Variants in ZNF99 observed in about 807,000 individuals in gnomAD.
The protein encoded by ZNF99 is zinc finger protein ENSP00000375192.
ZNF99 carries 8 observed loss-of-function variants against 12.8 expected under a neutral mutation model. The observed-to-expected ratio is 0.62, with a 90% confidence interval of 0.37 to 1.13. ZNF99 has a LOEUF of 1.13. Ranked by LOEUF, ZNF99 falls within the 50% of genes most tolerant of loss-of-function variation. The probability of loss-of-function intolerance (pLI) is 0.02; values close to 1 mark genes in which losing one functional copy is unlikely to be tolerated. For missense variants in ZNF99, 1,007 were observed against 1,006.2 expected (o/e 1.00, Z -0.01); for synonymous variants, 318 against 319.0 (o/e 1.00, Z 0.03).
intron 3 of ZNF99, among the ~76,000 whole-genome samples, chr19:22,761,060 T>A (rs1171771222): frequency 2.0e-5 from 3 of 151,912 alleles, no homozygotes; most frequent in Non-Finnish European, 4.4e-5. Context: ...TATTATAATG[T>A]ATATGGAATA....
In ZNF99 at chr19:22,759,644, G is replaced by A. The variant is rs770931208; in HGVS notation, c.265C>T (p.Gln89Ter). ...SHFTQDFWPDQSIKDSFQEII... is the reference protein window; with the variant it reads ...SHFTQDFWPD ...TCTTGGAAAGAATCTTTTATGCTCTGATCTGGCCAAAAGTCTTGTGTAAAA... is the reference window on the plus strand; with the variant it reads ...TCTTGGAAAGAATCTTTTATGCTCTAATCTGGCCAAAAGTCTTGTGTAAAA... Residue 89 changes from glutamine to a stop codon, truncating the protein, a stop_gained, in exon 4 of 4, where the codon CAG (glutamine) becomes TAG (stop). Coordinates refer to ENST00000596209, the MANE Select transcript of ZNF99 (RefSeq NM_001080409.3). LOFTEE classifies it low-confidence loss of function (END_TRUNC). 1.3e-6 allele frequency: 2 copies of A among 1,571,636 alleles called. No homozygotes were observed. The highest frequency in any genetic ancestry group is 1.7e-6 in the Non-Finnish European group (2 of 1,165,786).
chr19:22,763,807 G>A (rs545212112), intron 3 of ZNF99, among the ~76,000 whole-genome samples: 54 of 148,446 alleles, frequency 3.6e-4, no homozygotes, highest in African/African-American at 1.3e-3. Flanking sequence ...ACAGAATAGA[G>A]AACCCAGAAA....
chr19:22,770,956 T>G (rs1568386507), intron 1 of ZNF99: 1 of 149,776 alleles, frequency 6.7e-6, no homozygotes. Context: ...TTTTTTTTTT[T>G]GAGATGGAGT....
intron 1 of ZNF99, among the ~76,000 whole-genome samples, chr19:22,780,490 C>T (rs1459709824): frequency 3.3e-5 from 5 of 151,794 alleles, no homozygotes; most frequent in Admixed American, 2.0e-4. Context: ...GTTGGGAGTT[C>T]GAGACCAGCA....
At chr19:22,769,448 G>C in intron 1 of ZNF99, 124 bp from the exon 2 acceptor site, 1 of 1,026,522 alleles carries the variant, frequency 9.7e-7, no homozygotes. Context: ...ATGACTGAAC[G>C]TATTCAGTAA....
At chr19:22,766,688 G>C (rs1973207893) in intron 3 of ZNF99, among the ~76,000 whole-genome samples, 1 of 143,184 alleles carries the variant, frequency 7.0e-6, no homozygotes, top group Middle Eastern at 4.1e-3. Flanking sequence ...TTTCACTGTT[G>C]TTGTCCAGGC....
In ZNF99 at chr19:22,759,269, A is replaced by G; in HGVS notation, c.640T>C (p.Ser214Pro). 6.4e-7 allele frequency: 1 copy of G among 1,551,662 alleles called. No individual in the cohort carries two copies. The highest frequency in any genetic ancestry group is 1.2e-5 in the South Asian group (1 of 84,600). The part of the protein sequence containing the change: ...EERGKAFKWF[S>P]TLIKHKIIHT... Reference sequence around the variant, plus strand: ...ATTATCTTATGTTTAATAAGGGTTGAGAACCATTTAAAGGCTTTGCCACGT... The same window carrying G: ...ATTATCTTATGTTTAATAAGGGTTGGGAACCATTTAAAGGCTTTGCCACGT... The change falls in exon 4 of 4, where the codon TCA becomes CCA. Residue 214 changes from serine to proline, a missense_variant. Coordinates refer to ENST00000596209, the MANE Select transcript of ZNF99 (RefSeq NM_001080409.3).
intron 3 of ZNF99, among the ~76,000 whole-genome samples, chr19:22,760,906 A>T (rs7248065): frequency 3.4e-5 from 5 of 148,968 alleles, no homozygotes; most frequent in East Asian, 3.9e-4. Context: ...AAAAAAAAAA[A>T]TTTCAAACAA....
chr19:22,782,154 T>C (rs1294357092), intron 1 of ZNF99, among the ~76,000 whole-genome samples: 1 of 152,118 alleles, frequency 6.6e-6, no homozygotes, highest in Non-Finnish European at 1.5e-5. Context: ...AAAATTGACA[T>C]TATGAACTGG....
At chr19:22,771,617 C>T (rs1267911920) in intron 1 of ZNF99, among the ~76,000 whole-genome samples, 1 of 150,640 alleles carries the variant, frequency 6.6e-6, no homozygotes, top group African/African-American at 2.4e-5. Flanking sequence ...GGAGCCTCAA[C>T]ATTACATGTT....
At chr19:22,771,508 G>A (rs1357935179) in intron 1 of ZNF99, among the ~76,000 whole-genome samples, 1 of 151,586 alleles carries the variant, frequency 6.6e-6, no homozygotes. Flanking sequence ...GCCTGCCTTG[G>A]CCTCCCAAAG....
intron 3 of ZNF99, among the ~76,000 whole-genome samples, chr19:22,762,472 G>C (rs1395564689): frequency 6.6e-6 from 1 of 151,748 alleles, no homozygotes; most frequent in Non-Finnish European, 1.5e-5. Context: ...CCAATAATGA[G>C]CAGCGAGATT....
rs1361117036 is a variant in ZNF99, at chr19:22,757,676, A to C, written c.2233T>G (p.Ser745Ala). The change falls in exon 4 of 4, where the codon TCC (serine) becomes GCC (alanine). Residue 745 changes from serine (S) to alanine (A), a missense_variant. Coordinates refer to ENST00000596209, the MANE Select transcript of ZNF99 (RefSeq NM_001080409.3). ...ACCTTATGTACAGTAAGTTTTGAGG[A>C]CCACTTAAAAGCTTTACCACATTCT... Reference protein sequence around the residue: ...CEECGKAFKWSSKLTVHKVIH... With the variant: ...CEECGKAFKWASKLTVHKVIH... 6.2e-7 allele frequency: 1 copy of C among 1,611,652 alleles called. No individual in the cohort carries two copies. Among genetic ancestry groups the C allele is most frequent in the East Asian group, 2.2e-5 (1 of 44,768 alleles).
intron 1 of ZNF99, among the ~76,000 whole-genome samples, chr19:22,777,089 C>T (rs1325086482): frequency 3.3e-5 from 5 of 152,062 alleles, no homozygotes; most frequent in Non-Finnish European, 7.4e-5. Flanking sequence ...GAATTTGAGG[C>T]TGCAATAAGC....
chr19:22,765,205 C>T (rs1337193146), intron 3 of ZNF99, among the ~76,000 whole-genome samples: 1 of 152,146 alleles, frequency 6.6e-6, no homozygotes, highest in African/African-American at 2.4e-5. Context: ...AGATTAGAGG[C>T]TATCCTTCTA....
At chr19:22,772,164 G>A (rs1388690100) in intron 1 of ZNF99, among the ~76,000 whole-genome samples, 1 of 152,098 alleles carries the variant, frequency 6.6e-6, no homozygotes, top group Non-Finnish European at 1.5e-5. Flanking sequence ...GATTAGCAGT[G>A]TGATTACAAG....
intron 1 of ZNF99, among the ~76,000 whole-genome samples, chr19:22,779,432 G>A (rs1973364046): frequency 1.3e-5 from 2 of 152,166 alleles, no homozygotes; most frequent in Non-Finnish European, 2.9e-5. Flanking sequence ...GCTAAGGCAG[G>A]AGAATAGCTT....
intron 3 of ZNF99, among the ~76,000 whole-genome samples, chr19:22,766,182 T>A (rs1425872617): frequency 6.6e-6 from 1 of 150,722 alleles, no homozygotes; most frequent in South Asian, 2.1e-4. Context: ...ACTACAAAAA[T>A]TTTATAGAAA....
intron 1 of ZNF99, chr19:22,774,358 TCTC>T (rs1186798414): frequency 1.3e-5 from 2 of 153,010 alleles, no homozygotes; most frequent in East Asian, 3.9e-4. Flanking sequence ...TGCTCTCTCA[TCTC>T]CTAGCCATTG....
Sources: gnomAD v4.1 joint callset for allele counts (sites outside exome capture counted in the v4.1 genomes callset) on GRCh38, gnomAD v4.1.1 for gene constraint, MANE v1.5 for transcripts, NCBI Gene and HGNC (gene_info 2026-07-23, HGNC 2026-07-21) for gene names.